The following PTGER3 variants were observed in gnomAD, a reference collection of about 807,000 sequenced individuals.
PTGER3 encodes prostaglandin E2 receptor EP3 subtype.
In PTGER3, 22 loss-of-function variants were observed where a neutral mutation model predicts 34.7. The observed-to-expected ratio is 0.63, with a 90% CI of 0.45 to 0.91. The LOEUF is 0.91. Ranked by LOEUF, PTGER3 falls within the 40% of genes least tolerant of loss-of-function variation. The probability of loss-of-function intolerance (pLI) is 0.00; values close to 1 mark genes in which losing one functional copy is unlikely to be tolerated. For missense variants in PTGER3, 468 were observed against 519.4 expected (o/e 0.90, Z 0.96); for synonymous variants, 241 against 230.1 (o/e 1.05, Z -0.43).
At chr1:71,023,769 C>T (rs921912789) in intron 1 of PTGER3, among the ~76,000 whole-genome samples, 4 of 151,766 alleles carry the variant, frequency 2.6e-5, no homozygotes, top group Admixed American at 2.0e-4. Context: ...CATTCCACCA[C>T]ATTCACCATA....
chr1:70,898,820 C>T (rs377392948), intron 4 of PTGER3, among the ~76,000 whole-genome samples: 1 of 152,128 alleles, frequency 6.6e-6, no homozygotes, highest in Non-Finnish European at 1.5e-5. Flanking sequence ...GATATAATCT[C>T]ATGTTCCTTT....
intron 4 of PTGER3, among the ~76,000 whole-genome samples, chr1:70,873,753 T>C (rs566409715): frequency 2.0e-5 from 3 of 151,878 alleles, no homozygotes; most frequent in Non-Finnish European, 4.4e-5. Flanking sequence ...GTTCAAGAGA[T>C]TCTCCTGCTT....
At chr1:70,983,149 G>C (rs1654553211) in intron 2 of PTGER3, among the ~76,000 whole-genome samples, 1 of 151,938 alleles carries the variant, frequency 6.6e-6, no homozygotes, top group African/African-American at 2.4e-5. Flanking sequence ...CTGTGGAAAT[G>C]CAAAACCATA....
intron 4 of PTGER3, among the ~76,000 whole-genome samples, chr1:70,868,835 A>G (rs569779659): frequency 6.6e-6 from 1 of 152,306 alleles, no homozygotes; most frequent in South Asian, 2.1e-4. Flanking sequence ...TACAAGAAAG[A>G]AAAATACAAT....
intron 1 of PTGER3, among the ~76,000 whole-genome samples, chr1:71,020,300 A>T (rs1356432454): frequency 6.6e-6 from 1 of 152,216 alleles, no homozygotes; most frequent in African/African-American, 2.4e-5. Flanking sequence ...TTTCGTCATT[A>T]CTACTACGTA....
Position 71,012,074 on chromosome 1 carries a change from G to A in PTGER3, c.1077+231C>T, listed in dbSNP as rs984394114. 3.4e-6 allele frequency: 5 copies of A among 1,460,788 alleles called. No individual in the cohort carries two copies. The African/African-American group carries it at 7.0e-5, about 21-fold the overall frequency. 90.5% of individuals were successfully genotyped at this position (1,460,788 alleles called of 1,614,324 possible). A position where few individuals can be genotyped will look rare whatever the true frequency, so the allele number is the denominator to read the frequency against. On this transcript the variant is annotated intron_variant, in intron 2 of 3. Coordinates refer to ENST00000306666, the MANE Select transcript of PTGER3 (RefSeq NM_198719.2). ...CTTTTGGCACATAGGGATTTTCTAT[G>A]CTTCTAAGACCATTTAGCTTTATAC... is the stretch of plus-strand genomic sequence containing the variant.
chr1:70,951,213 C>G (rs935933105), downstream of PTGER3: 2 of 152,014 alleles, frequency 1.3e-5, no homozygotes, highest in East Asian at 1.9e-4. Context: ...CATTTTCCAC[C>G]CATTTTTGAA....
intron 1 of PTGER3, among the ~76,000 whole-genome samples, chr1:71,037,419 C>A (rs1048037111): frequency 6.6e-6 from 1 of 152,316 alleles, no homozygotes; most frequent in South Asian, 2.1e-4. Context: ...AACTGCTCAA[C>A]CTTTATAGCT....
chr1:70,862,177 G>A (rs756347366), intron 4 of PTGER3: 2 of 433,244 alleles, frequency 4.6e-6, no homozygotes, highest in Non-Finnish European at 7.2e-6. Flanking sequence ...ACCAAAATTA[G>A]CACCTCTTTT....
downstream of PTGER3, among the ~76,000 whole-genome samples, chr1:70,966,542 A>G (rs536377469): frequency 5.3e-4 from 81 of 152,260 alleles, no homozygotes; most frequent in South Asian, 1.0e-3. Flanking sequence ...ACATAAGTGT[A>G]CATGTGCTAT....
At chr1:70,940,490 T>A (rs1184193074) in intron 4 of PTGER3, among the ~76,000 whole-genome samples, 1 of 152,172 alleles carries the variant, frequency 6.6e-6, no homozygotes, top group Non-Finnish European at 1.5e-5. Flanking sequence ...GATAAAGACA[T>A]ACCCGAGACT....
At chr1:70,883,301 G>A (rs1646431715) in intron 4 of PTGER3, among the ~76,000 whole-genome samples, 1 of 152,014 alleles carries the variant, frequency 6.6e-6, no homozygotes, top group Admixed American at 6.6e-5. Flanking sequence ...AAGCTTTTAG[G>A]TTAGTTTATA....
intron 4 of PTGER3, among the ~76,000 whole-genome samples, chr1:70,858,645 G>A (rs1645862012): frequency 6.6e-6 from 1 of 152,036 alleles, no homozygotes. Flanking sequence ...ACCCTAAAAA[G>A]ATTATAATGA....
intron 4 of PTGER3, among the ~76,000 whole-genome samples, chr1:70,902,591 C>A (rs1646862907): frequency 6.6e-6 from 1 of 152,140 alleles, no homozygotes; most frequent in African/African-American, 2.4e-5. Context: ...AGAGAGCAGT[C>A]TTTCTTAATG....
intron 1 of PTGER3, among the ~76,000 whole-genome samples, chr1:71,024,543 G>A (rs1658709552): frequency 6.6e-6 from 1 of 151,882 alleles, no homozygotes; most frequent in Non-Finnish European, 1.5e-5. Context: ...TAACAAATAA[G>A]TGAATGAGAG....
intron 2 of PTGER3, chr1:71,008,888 C>T: frequency 2.1e-6 from 2 of 969,302 alleles, no homozygotes; most frequent in African/African-American, 3.5e-5. Context: ...TGTAGTCTCC[C>T]TGTGTCATTC....
At chr1:70,899,730 G>T (rs552826286) in intron 4 of PTGER3, among the ~76,000 whole-genome samples, 1 of 152,084 alleles carries the variant, frequency 6.6e-6, no homozygotes, top group South Asian at 2.1e-4. Flanking sequence ...AGTAGAAACA[G>T]AAATCAGTTT....
At chr1:70,957,813 C>T (rs973795130) in intron 2 of PTGER3, among the ~76,000 whole-genome samples, 80 of 152,136 alleles carry the variant, frequency 5.3e-4, no homozygotes, top group African/African-American at 1.8e-3. Context: ...TATAATTTAA[C>T]GTTGCAGCAA....
intron 2 of PTGER3, chr1:70,997,037 C>T (rs1360796762): frequency 6.6e-6 from 1 of 152,166 alleles, no homozygotes; most frequent in Non-Finnish European, 1.5e-5. Context: ...TTTGGGAAGC[C>T]GAGGAGGACA....
Sources: gnomAD v4.1 joint callset for allele counts (sites outside exome capture counted in the v4.1 genomes callset) on GRCh38, gnomAD v4.1.1 for gene constraint, MANE v1.5 for transcripts, NCBI Gene and HGNC (gene_info 2026-07-23, HGNC 2026-07-21) for gene names.